Variants in TUSC3 observed in about 807,000 individuals in gnomAD.
The protein encoded by TUSC3 is tumor suppressor candidate 3.
In TUSC3, 45 loss-of-function variants were observed where a neutral mutation model predicts 44.8. The observed-to-expected ratio is 1.00, with a 90% confidence interval of 0.79 to 1.29. TUSC3 has a LOEUF of 1.29. Ranked by LOEUF, TUSC3 falls within the 50% of genes most tolerant of loss-of-function variation. TUSC3 has a pLI of 0.00. For missense variants in TUSC3, 519 were observed against 437.9 expected, an observed-to-expected ratio of 1.19 and a Z score of -1.65; for synonymous variants, 212 against 152.9, an observed-to-expected ratio of 1.39 and a Z score of -2.85.
At chr8:15,662,092 A>C (rs1807448965) in intron 4 of TUSC3, 64 bp from the exon 5 acceptor site, 1 of 1,583,032 alleles carries the variant, frequency 6.3e-7, no homozygotes, top group Non-Finnish European at 8.6e-7. Flanking sequence ...TGAGGACTAG[A>C]ATATGATCAA....
At chr8:15,634,877 T>A (rs1469518002) in intron 2 of TUSC3, among the ~76,000 whole-genome samples, 5 of 152,216 alleles carry the variant, frequency 3.3e-5, no homozygotes, top group African/African-American at 1.2e-4. Flanking sequence ...TATAAGGGCA[T>A]TTCAATGAAA....
At chr8:15,599,496 A>T (rs1447779892) in intron 1 of TUSC3, among the ~76,000 whole-genome samples, 1 of 151,768 alleles carries the variant, frequency 6.6e-6, no homozygotes, top group Non-Finnish European at 1.5e-5. Flanking sequence ...ATATCTAAAA[A>T]GTCATCGCCA....
intron 6 of TUSC3, among the ~76,000 whole-genome samples, chr8:15,713,385 C>T (rs1012410364): frequency 1.3e-5 from 2 of 152,136 alleles, no homozygotes; most frequent in African/African-American, 4.8e-5. Context: ...CATAGTGTTA[C>T]TGTCATTGTT....
chr8:15,589,869 C>T (rs575205032), intron 1 of TUSC3, among the ~76,000 whole-genome samples: 12 of 151,984 alleles, frequency 7.9e-5, no homozygotes, highest in Admixed American at 2.6e-4. Context: ...TGGAAAAGTT[C>T]GAAATAAGTA....
At chr8:15,667,412 G>C (rs1442775931) in intron 5 of TUSC3, among the ~76,000 whole-genome samples, 1 of 151,572 alleles carries the variant, frequency 6.6e-6, no homozygotes, top group African/African-American at 2.4e-5. Context: ...TAGAAATGCA[G>C]TGTATAAATT....
chr8:15,610,595 G>A (rs1585150693), intron 1 of TUSC3, among the ~76,000 whole-genome samples: 1 of 152,170 alleles, frequency 6.6e-6, no homozygotes, highest in Non-Finnish European at 1.5e-5. Flanking sequence ...ACATATGCAA[G>A]TTTCGGAAAC....
chr8:15,846,151 T>C, the TUSC3 span, among the ~76,000 whole-genome samples: 1 of 152,186 alleles, frequency 6.6e-6, no homozygotes, highest in African/African-American at 2.4e-5. Context: ...CTGGGAGATA[T>C]AATTCCAGTT....
intron 1 of TUSC3, among the ~76,000 whole-genome samples, chr8:15,434,737 C>T (rs542289001): frequency 5.1e-4 from 77 of 151,786 alleles, no homozygotes; most frequent in Non-Finnish European, 1.0e-3. Flanking sequence ...TTGCTGTGTC[C>T]GTGTGTTCTC....
At chr8:15,478,419 C>T (rs966720042) in intron 1 of TUSC3, among the ~76,000 whole-genome samples, 1 of 152,094 alleles carries the variant, frequency 6.6e-6, no homozygotes, top group Non-Finnish European at 1.5e-5. Context: ...TATCCTGGTG[C>T]TCTCTCTCCC....
intron 9 of TUSC3, among the ~76,000 whole-genome samples, chr8:15,751,544 C>T (rs1180045873): frequency 6.6e-6 from 1 of 152,110 alleles, no homozygotes; most frequent in Non-Finnish European, 1.5e-5. Context: ...TTTCATCCCC[C>T]AGTATAGGGG....
chr8:15,824,508 AC>A, the TUSC3 span, among the ~76,000 whole-genome samples: 6 of 151,876 alleles, frequency 4.0e-5, no homozygotes, highest in South Asian at 6.3e-4. Flanking sequence ...TATCGCAAGG[AC>A]AAAAAACCAA....
intron 2 of TUSC3, among the ~76,000 whole-genome samples, chr8:15,624,614 G>A (rs547752671): frequency 4.0e-4 from 61 of 152,192 alleles, no homozygotes; most frequent in African/African-American, 1.4e-3. Flanking sequence ...CATCTTTAAT[G>A]AAGTATCTGT....
intron 10 of TUSC3, among the ~76,000 whole-genome samples, chr8:15,760,967 A>G (rs1421340261): frequency 1.3e-5 from 2 of 152,190 alleles, no homozygotes; most frequent in Non-Finnish European, 2.9e-5. Flanking sequence ...TCACTGTATC[A>G]TACTTAATCA....
chr8:15,516,499 C>T (rs914171679), intron 2 of TUSC3, among the ~76,000 whole-genome samples: 1 of 152,012 alleles, frequency 6.6e-6, no homozygotes, highest in Admixed American at 6.6e-5. Flanking sequence ...GATATTTTTC[C>T]CCCTGAAAAT....
At chr8:15,680,712 T>G (rs1400502708) in intron 6 of TUSC3, among the ~76,000 whole-genome samples, 1 of 152,146 alleles carries the variant, frequency 6.6e-6, no homozygotes, top group Non-Finnish European at 1.5e-5. Flanking sequence ...TTGAGTATGA[T>G]GTTGCCTGTG....
In TUSC3 at chr8:15,623,105, A is replaced by T; in HGVS notation, c.164A>T (p.Gln55Leu). The T allele has an allele frequency of 1.2e-6, 2 of 1,613,942 alleles. No individual in the cohort carries two copies. Among genetic ancestry groups the T allele is most frequent in the East Asian group, 4.5e-5 (2 of 44,862 alleles). Residue 55 changes from glutamine to leucine, a missense_variant, in exon 2 of 11, where the codon CAG becomes CTG. Transcript: ENST00000503731. ...KENLLAEKVEQLMEWSSRRSI... is the reference protein window; with the variant it reads ...KENLLAEKVELLMEWSSRRSI... ...AATCTTTTAGCTGAAAAAGTAGAGC[A>T]GCTGATGGAATGGAGTTCCAGACGC...
At chr8:15,605,518 A>AT (rs1804483744) in intron 1 of TUSC3, among the ~76,000 whole-genome samples, 1 of 152,002 alleles carries the variant, frequency 6.6e-6, no homozygotes, top group South Asian at 2.1e-4. Context: ...TTATACATAG[A>AT]TTTTTTTCAA....
chr8:15,422,220 C>G (rs909896284), intron 1 of TUSC3, among the ~76,000 whole-genome samples: 1 of 152,092 alleles, frequency 6.6e-6, no homozygotes, highest in African/African-American at 2.4e-5. Flanking sequence ...TGTTACTATT[C>G]TTGTGTGAGT....
intron 2 of TUSC3, among the ~76,000 whole-genome samples, chr8:15,648,120 G>T (rs1167852466): frequency 4.6e-5 from 7 of 152,040 alleles, no homozygotes; most frequent in Non-Finnish European, 7.4e-5. Flanking sequence ...TTTGAAAAAG[G>T]ACTTACTGGA....
Sources: allele counts gnomAD v4.1 joint callset (sites outside exome capture counted in the v4.1 genomes callset), GRCh38; gene constraint gnomAD v4.1.1; transcripts MANE v1.5; gene names NCBI Gene and HGNC (gene_info 2026-07-23, HGNC 2026-07-21).